The following CSMD1 variants were observed in gnomAD, a reference collection of about 807,000 sequenced individuals.
The protein encoded by CSMD1 is CUB and Sushi multiple domains 1.
Under a neutral mutation model 417.5 loss-of-function variants are expected in CSMD1, and 213 were observed. That is an observed-to-expected ratio of 0.51 (90% CI 0.46 to 0.57). The LOEUF (loss-of-function observed/expected upper bound fraction) is 0.57, where lower values mean the gene tolerates loss of function less well. CSMD1 is among the 20% of genes least tolerant of loss of function. CSMD1 has a pLI of 0.00. For synonymous variants in CSMD1, 2,862 were observed against 1,736.8 expected, an observed-to-expected ratio of 1.65 and a Z score of -16.11; for missense variants, 6,923 against 4,529.7, an observed-to-expected ratio of 1.53 and a Z score of -15.17.
intron 26 of CSMD1, among the ~76,000 whole-genome samples, 185 bp from the exon 27 acceptor site, chr8:3,230,416 G>A (rs1367732115): frequency 6.6e-6 from 1 of 152,114 alleles, no homozygotes; most frequent in Non-Finnish European, 1.5e-5. Context: ...TCTTCATTGT[G>A]CTTGCATTGC....
chr8:3,601,898 C>T (rs1270954287), intron 8 of CSMD1, among the ~76,000 whole-genome samples: 1 of 151,982 alleles, frequency 6.6e-6, no homozygotes, highest in Admixed American at 6.6e-5. Context: ...ACAGATCTGC[C>T]CTAGAGAGAG....
chr8:3,915,373 T>C (rs1049461137), intron 5 of CSMD1, among the ~76,000 whole-genome samples: 1 of 126,186 alleles, frequency 7.9e-6, no homozygotes, highest in Admixed American at 1.0e-4. Flanking sequence ...GCCACTGCAC[T>C]CCAGCCTAGG....
chr8:3,463,485 G>C (rs144805403), intron 12 of CSMD1, among the ~76,000 whole-genome samples: 115 of 152,344 alleles, frequency 7.5e-4, no homozygotes, highest in African/African-American at 2.7e-3. Flanking sequence ...ACGTCCTGCA[G>C]CTTCACCTTC....
chr8:4,289,946 C>G (rs1166231569), intron 3 of CSMD1, among the ~76,000 whole-genome samples: 1 of 152,194 alleles, frequency 6.6e-6, no homozygotes, highest in East Asian at 1.9e-4. Context: ...TTATTGACCT[C>G]TTCTTGAGAG....
intron 4 of CSMD1, among the ~76,000 whole-genome samples, chr8:4,007,130 G>T (rs1289437072): frequency 6.6e-6 from 1 of 152,052 alleles, no homozygotes; most frequent in Non-Finnish European, 1.5e-5. Flanking sequence ...CAGCCACCGA[G>T]CCTGGCCACG....
At chr8:3,302,916 G>C (rs994424991) in intron 25 of CSMD1, among the ~76,000 whole-genome samples, 2 of 152,130 alleles carry the variant, frequency 1.3e-5, no homozygotes, top group African/African-American at 4.8e-5. Flanking sequence ...TCTTTCCTCT[G>C]ACTCAGGCTC....
At chr8:3,422,856 G>A (rs903948421) in intron 12 of CSMD1, among the ~76,000 whole-genome samples, 2 of 152,140 alleles carry the variant, frequency 1.3e-5, no homozygotes, top group Non-Finnish European at 2.9e-5. Flanking sequence ...TCTCTGCTTC[G>A]AAAACAGTGC....
At chr8:4,013,311 G>A (rs551417965) in intron 4 of CSMD1, among the ~76,000 whole-genome samples, 10 of 151,886 alleles carry the variant, frequency 6.6e-5, no homozygotes, top group African/African-American at 9.7e-5. Context: ...TCTATTCTTC[G>A]TTCACTCACC....
chr8:3,273,531 G>C (rs1198556729), intron 26 of CSMD1, among the ~76,000 whole-genome samples: 2 of 152,158 alleles, frequency 1.3e-5, no homozygotes, highest in African/African-American at 2.4e-5. Flanking sequence ...TTGTACCTCT[G>C]GTAGAATTCG....
In CSMD1 at chr8:3,262,230, T is replaced by TATACACAC. The variant is rs770901446; in HGVS notation, c.4153+21913_4153+21914insGTGTGTAT. On this transcript the variant is annotated intron_variant, in intron 26 of 69. Transcript: ENST00000635120. ...ATATATATATATATATATATATATA[T>TATACACAC]ACACACACATAGTTAATTTCAAAAT... Among the ~76,000 whole-genome samples, 153 of 95,630 alleles carry TATACACAC rather than the reference T, an allele frequency of 1.6e-3. 1 individual carries two copies. Among genetic ancestry groups the TATACACAC allele is most frequent in the Non-Finnish European group, 2.2e-3 (110 of 49,120 alleles). The allele number at this position is 95,630 out of a possible 152,430, so 62.7% of individuals were successfully genotyped here.
At chr8:3,427,669 G>A (rs548363406) in intron 12 of CSMD1, among the ~76,000 whole-genome samples, 3 of 152,160 alleles carry the variant, frequency 2.0e-5, no homozygotes, top group East Asian at 3.9e-4. Flanking sequence ...TTAAACTTCT[G>A]TTAACTCACT....
At chr8:4,745,314 T>C (rs1008818339) in intron 1 of CSMD1, among the ~76,000 whole-genome samples, 2 of 152,212 alleles carry the variant, frequency 1.3e-5, no homozygotes, top group African/African-American at 2.4e-5. Flanking sequence ...GATTACACTC[T>C]GGTTTTATTA....
At chr8:4,487,957 C>T (rs189019232) in intron 2 of CSMD1, among the ~76,000 whole-genome samples, 40 of 152,236 alleles carry the variant, frequency 2.6e-4, no homozygotes, top group Non-Finnish European at 4.4e-4. Context: ...GTTTGCGTCC[C>T]TCCGAAATGT....
chr8:3,757,316 G>C (rs956592818), intron 5 of CSMD1, among the ~76,000 whole-genome samples: 1 of 152,204 alleles, frequency 6.6e-6, no homozygotes, highest in Non-Finnish European at 1.5e-5. Context: ...CATGGTCTTT[G>C]TTGGAAATTG....
chr8:3,366,807 T>C (rs1199642518), intron 20 of CSMD1, among the ~76,000 whole-genome samples: 2 of 152,184 alleles, frequency 1.3e-5, no homozygotes, highest in Non-Finnish European at 2.9e-5. Context: ...AATTCACAAA[T>C]TGTGTAACAC....
chr8:4,025,493 G>C (rs553759474), intron 4 of CSMD1, among the ~76,000 whole-genome samples: 5 of 152,294 alleles, frequency 3.3e-5, no homozygotes, highest in Admixed American at 2.6e-4. Flanking sequence ...TTTAAATCAA[G>C]AGGCAAAAGC....
chr8:4,047,404 CG>C (rs1195393809), intron 3 of CSMD1, among the ~76,000 whole-genome samples: 5 of 151,976 alleles, frequency 3.3e-5, no homozygotes, highest in African/African-American at 1.2e-4. Flanking sequence ...GGAAATATTG[CG>C]GAAAAAATAA....
At chr8:4,578,312 C>T (rs1031253089) in intron 2 of CSMD1, among the ~76,000 whole-genome samples, 7 of 144,794 alleles carry the variant, frequency 4.8e-5, no homozygotes, top group African/African-American at 1.3e-4. Context: ...ATTACAGGCA[C>T]CTGCCACGAC....
chr8:4,938,095 G>A (rs1360083219), intron 1 of CSMD1, among the ~76,000 whole-genome samples: 1 of 151,960 alleles, frequency 6.6e-6, no homozygotes, highest in Non-Finnish European at 1.5e-5. Context: ...CCTTTTAGTA[G>A]CAACAAAGAA....
Sources: gnomAD v4.1 joint callset for allele counts (sites outside exome capture counted in the v4.1 genomes callset) on GRCh38, gnomAD v4.1.1 for gene constraint, MANE v1.5 for transcripts, NCBI Gene and HGNC (gene_info 2026-07-23, HGNC 2026-07-21) for gene names.